The following VAPA variants were observed in gnomAD, a reference collection of about 807,000 sequenced individuals.
VAPA encodes vesicle-associated membrane protein-associated protein A.
In VAPA, 6 loss-of-function variants were observed where a neutral mutation model predicts 25.6. That is an observed-to-expected ratio of 0.23 (90% CI 0.13 to 0.46). The LOEUF is 0.46. Among genes scored for constraint, VAPA ranks in the 20% least tolerant of loss-of-function variants. VAPA has a pLI of 0.99. For synonymous variants in VAPA, 112 were observed against 106.2 expected (o/e 1.05, Z -0.34); for missense variants, 244 against 302.1 (o/e 0.81, Z 1.43).
chr18:9,935,599 G>A (rs570979049), intron 2 of VAPA, among the ~76,000 whole-genome samples: 1 of 152,292 alleles, frequency 6.6e-6, no homozygotes, highest in East Asian at 1.9e-4. Flanking sequence ...AAAACAGATG[G>A]TAGTGAGGTT....
At chr18:9,949,752 G>A (rs2069467695) in intron 4 of VAPA, 1 of 152,012 alleles carries the variant, frequency 6.6e-6, no homozygotes, top group Admixed American at 6.6e-5. Context: ...TTTATCTCCA[G>A]GCCTTCACTA....
In VAPA at chr18:9,954,293, A is replaced by T; in HGVS notation, c.*82A>T. On this transcript the variant is annotated 3_prime_UTR_variant, in exon 6 of 6. Coordinates refer to ENST00000400000, the MANE Select transcript of VAPA (RefSeq NM_194434.3). ...TTTGTTTACCTACCATTTCATTGGT[A>T]GTATGGCCCACGGTGACCATTTTTT... The T allele has an allele frequency of 7.6e-7, 1 of 1,314,990 alleles. No homozygotes were observed. Among genetic ancestry groups the T allele is most frequent in the Non-Finnish European group, 1.0e-6 (1 of 952,462 alleles). The allele number at this position is 1,314,990 out of a possible 1,614,324, so 81.5% of individuals were successfully genotyped here.
In VAPA at chr18:9,953,959, T is replaced by G. The variant is rs769334779; in HGVS notation, c.592-94T>G. ...TCCGTCCCCAGCCATAGGCAACCAC[T>G]AATCTACTTTCCGTCCCTATAGATT... On this transcript the variant is annotated intron_variant, in intron 5 of 5. Coordinates refer to ENST00000400000, the MANE Select transcript of VAPA (RefSeq NM_194434.3). 2.0e-6 allele frequency: 3 copies of G among 1,488,168 alleles called. No individual in the cohort carries two copies. In the Admixed American group the frequency reaches 6.1e-5, roughly 30 times the overall value. The allele number at this position is 1,488,168 out of a possible 1,614,324, so 92.2% of individuals were successfully genotyped here. A position where few individuals can be genotyped will look rare whatever the true frequency, so the allele number is the denominator to read the frequency against.
Position 9,956,227 on chromosome 18 carries a change from G to A in VAPA, c.*2016G>A, listed in dbSNP as rs1420109437. On this transcript the variant is annotated 3_prime_UTR_variant, in exon 6 of 6. Transcript: ENST00000400000. ...GTAGGTAGAGGCAGAGCTGGAACTA[G>A]ATATCTGGTCTGTTGACTCTAGCTC... The A allele has an allele frequency of 6.6e-6, 1 of 152,170 alleles. No homozygotes were observed. The highest frequency in any genetic ancestry group is 1.5e-5 in the Non-Finnish European group (1 of 68,032). 9.4% of individuals were successfully genotyped at this position (152,170 alleles called of 1,614,324 possible).
At chr18:9,917,453 G>C (rs2069121267) in intron 1 of VAPA, among the ~76,000 whole-genome samples, 1 of 152,094 alleles carries the variant, frequency 6.6e-6, no homozygotes, top group African/African-American at 2.4e-5. Flanking sequence ...ACCATGCCCA[G>C]CTAATTTTGA....
chr18:9,950,130 C>T, intron 4 of VAPA: 1 of 337,480 alleles, frequency 3.0e-6, no homozygotes, highest in Non-Finnish European at 5.5e-6. Context: ...CTTGCTCTCT[C>T]AGCCTTTGAA....
At chr18:9,933,601 G>C (rs2069278505) in intron 2 of VAPA, among the ~76,000 whole-genome samples, 1 of 152,122 alleles carries the variant, frequency 6.6e-6, no homozygotes, top group South Asian at 2.1e-4. Context: ...GCAGTGGTGT[G>C]ATCTCAGGTG....
chr18:9,950,734 C>T, intron 5 of VAPA, 166 bp downstream of exon 5: 2 of 644,822 alleles, frequency 3.1e-6, no homozygotes, highest in Non-Finnish European at 5.2e-6. Context: ...AACAGTCTTC[C>T]CGTGGTTTCT....
intron 4 of VAPA, among the ~76,000 whole-genome samples, chr18:9,937,760 C>G (rs935813589): frequency 1.3e-5 from 2 of 151,590 alleles, no homozygotes; most frequent in African/African-American, 4.8e-5. Context: ...GTGTATGTGA[C>G]TTAATACATA....
At chr18:9,946,299 A>G (rs917995432) in intron 4 of VAPA, among the ~76,000 whole-genome samples, 3 of 152,326 alleles carry the variant, frequency 2.0e-5, no homozygotes, top group Non-Finnish European at 2.9e-5. Context: ...CCTAGGCTAC[A>G]GACTTGTATA....
intron 4 of VAPA, among the ~76,000 whole-genome samples, chr18:9,946,722 G>A (rs188253403): frequency 6.6e-6 from 1 of 152,178 alleles, no homozygotes; most frequent in Admixed American, 6.5e-5. Flanking sequence ...TGAGTGGTGA[G>A]TGAATGGGAA....
In VAPA at chr18:9,914,123, G is replaced by A. The variant is rs890125400; in HGVS notation, c.-134G>A. ...GGCCCACCGAACCGGTGACACAGCG[G>A]CAGGCGTTAGGGCTCGGGAGCCGCG... On this transcript the variant is annotated 5_prime_UTR_variant, in exon 1 of 6. Coordinates refer to ENST00000400000, the MANE Select transcript of VAPA (RefSeq NM_194434.3). The A allele has an allele frequency of 1.2e-4, 79 of 673,896 alleles. No homozygotes were observed. The highest frequency in any genetic ancestry group is 1.7e-4 in the Non-Finnish European group (72 of 424,028). The allele number at this position is 673,896 out of a possible 1,614,324, so 41.7% of individuals were successfully genotyped here. A position where few individuals can be genotyped will look rare whatever the true frequency, so the allele number is the denominator to read the frequency against.
At chr18:9,945,178 T>G in intron 4 of VAPA, 1 of 1,171,050 alleles carries the variant, frequency 8.5e-7, no homozygotes. Context: ...AGAATTGAAC[T>G]ATGCCTAAAA....
chr18:9,914,206 A>C lies in VAPA; in HGVS notation c.-51A>C, dbSNP rs1372160775. The C allele has an allele frequency of 2.0e-6, 3 of 1,514,080 alleles. No homozygotes were observed. Among genetic ancestry groups the C allele is most frequent in the African/African-American group, 2.9e-5 (2 of 69,012 alleles). The allele number at this position is 1,514,080 out of a possible 1,614,324, so 93.8% of individuals were successfully genotyped here. On this transcript the variant is annotated 5_prime_UTR_variant, in exon 1 of 6. Coordinates refer to ENST00000400000, the MANE Select transcript of VAPA (RefSeq NM_194434.3). ...GTCGCCGCCGTCGTCCCCCGCCCCC[A>C]GTCAGCAAACCGCCGCCGCGGGCGC...
intron 3 of VAPA, 92 bp from the exon 4 acceptor site, chr18:9,936,894 G>T: frequency 9.4e-7 from 1 of 1,059,500 alleles, no homozygotes; most frequent in Admixed American, 2.0e-5. Context: ...AAGCCAGGCA[G>T]CTTCACTCAT....
chr18:9,920,333 C>T (rs559806609), intron 1 of VAPA, among the ~76,000 whole-genome samples: 3 of 152,200 alleles, frequency 2.0e-5, no homozygotes, highest in East Asian at 3.9e-4. Flanking sequence ...GATGGAGTCT[C>T]GCTTTGTCAC....
At position 9,954,743 on chromosome 18, in the gene VAPA, G is replaced by C. The variant is rs1050627825; in HGVS notation, c.*532G>C. 4 of 152,656 alleles carry C rather than the reference G, an allele frequency of 2.6e-5. No individual in the cohort carries two copies. Among genetic ancestry groups the C allele is most frequent in the African/African-American group, 9.6e-5 (4 of 41,486 alleles). 9.5% of individuals were successfully genotyped at this position (152,656 alleles called of 1,614,324 possible). Reference sequence around the variant, plus strand: ...TCTTATCCCTTGTGAGGCAGTTGTTGACTGAGTTTTTCATCCTTACAATCC... The same window carrying C: ...TCTTATCCCTTGTGAGGCAGTTGTTCACTGAGTTTTTCATCCTTACAATCC... On this transcript the variant is annotated 3_prime_UTR_variant, in exon 6 of 6. Coordinates refer to ENST00000400000, the MANE Select transcript of VAPA (RefSeq NM_194434.3).
intron 2 of VAPA, among the ~76,000 whole-genome samples, chr18:9,933,969 A>G (rs901777889): frequency 8.5e-5 from 13 of 152,210 alleles, no homozygotes; most frequent in African/African-American, 3.1e-4. Context: ...GTTTCTGTGT[A>G]TTAATATTTC....
intron 1 of VAPA, among the ~76,000 whole-genome samples, chr18:9,921,840 C>T (rs189781641): frequency 9.2e-5 from 14 of 152,206 alleles, no homozygotes; most frequent in African/African-American, 3.1e-4. Context: ...AAGTTTTAAA[C>T]GTTTGAAAAC....
Sources: allele counts gnomAD v4.1 joint callset (sites outside exome capture counted in the v4.1 genomes callset), GRCh38; gene constraint gnomAD v4.1.1; transcripts MANE v1.5; gene names NCBI Gene and HGNC (gene_info 2026-07-23, HGNC 2026-07-21).